SLIT3: variants seen among roughly 807,000 people sequenced by gnomAD.
SLIT3 encodes slit guidance ligand 3, also known as slit homolog 3 protein.
Under a neutral mutation model 184.0 loss-of-function variants are expected in SLIT3, and 68 were observed. That is an observed-to-expected ratio of 0.37 (90% confidence interval 0.30 to 0.45). SLIT3 has a LOEUF of 0.45. SLIT3 is among the 20% of genes least tolerant of loss of function. The probability of loss-of-function intolerance (pLI) is 1.00; values close to 1 mark genes in which losing one functional copy is unlikely to be tolerated. For missense variants in SLIT3, 1,707 were observed against 2,026.0 expected (o/e 0.84, Z 3.02); for synonymous variants, 831 against 828.6 (o/e 1.00, Z -0.05).
intron 4 of SLIT3, among the ~76,000 whole-genome samples, chr5:168,926,723 TTGGATAGACTTTTCTAC>T (rs1204637300): frequency 2.0e-4 from 11 of 56,002 alleles, no homozygotes; most frequent in African/African-American, 8.4e-4. Context: ...CGAAGAAGAC[TTGGATAGACTTTTCTAC>T]GAAGAAGACA....
intron 3 of SLIT3, among the ~76,000 whole-genome samples, chr5:169,211,125 C>T (rs1268828621): frequency 1.3e-5 from 2 of 152,170 alleles, no homozygotes; most frequent in African/African-American, 4.8e-5. Flanking sequence ...AATCCAAACC[C>T]AACTGAGCCC....
At chr5:168,700,732 C>T (rs1040087868) in intron 26 of SLIT3, 53 bp from the exon 27 acceptor site, 10 of 1,388,002 alleles carry the variant, frequency 7.2e-6, no homozygotes, top group Middle Eastern at 2.0e-4. Flanking sequence ...CTGGGGCTGC[C>T]ATGGCCCAGG....
intron 4 of SLIT3, among the ~76,000 whole-genome samples, chr5:168,897,678 A>AC (rs55657719): frequency 2.5e-5 from 3 of 120,206 alleles, no homozygotes; most frequent in East Asian, 2.1e-4. Context: ...ACACACACAC[A>AC]AAGGGACATA....
chr5:168,987,256 A>G (rs936444260), intron 4 of SLIT3, among the ~76,000 whole-genome samples: 2 of 151,894 alleles, frequency 1.3e-5, no homozygotes, highest in Non-Finnish European at 2.9e-5. Context: ...TGTCAGAGTC[A>G]CTCCCTGCTT....
intron 4 of SLIT3, among the ~76,000 whole-genome samples, chr5:168,942,933 G>A (rs1346804366): frequency 6.6e-6 from 1 of 152,230 alleles, no homozygotes; most frequent in Admixed American, 6.5e-5. Flanking sequence ...CCTGCAGTGG[G>A]CTAGGGGGAG....
chr5:169,118,360 G>C lies in SLIT3; in HGVS notation c.413+75119C>G, dbSNP rs144780179. Among the ~76,000 whole-genome samples, 181 of 152,302 alleles carry C rather than the reference G, an allele frequency of 1.2e-3. 3 individuals are homozygous for C. The East Asian group carries it at 0.029, about 25-fold the overall frequency. ...GGGGGTGGAGCTAAGACCATGCATT[G>C]GTTGGTCATCTTCTTGAACTGGTCT... On this transcript the variant is annotated intron_variant, in intron 4 of 35. Transcript: ENST00000519560.
intron 5 of SLIT3, among the ~76,000 whole-genome samples, chr5:168,865,780 G>T (rs1759277250): frequency 1.3e-5 from 2 of 152,076 alleles, no homozygotes; most frequent in African/African-American, 2.4e-5. Flanking sequence ...TTTGGTTTAT[G>T]TCCTTCAGGC....
rs1036217529 is a variant in SLIT3, at chr5:169,014,779, T to A, written c.414-131443A>T. ...CAGCCTGACCAATATGGTGAAACCC[T>A]GTCTCTACTAAAAATACAAAAATTA... On this transcript the variant is annotated intron_variant, in intron 4 of 35. Coordinates refer to ENST00000519560, the MANE Select transcript of SLIT3 (RefSeq NM_003062.4). Among the ~76,000 whole-genome samples, 3 of 152,118 alleles carry A rather than the reference T, an allele frequency of 2.0e-5. No homozygotes were observed. The South Asian group carries it at 6.2e-4, about 32-fold the overall frequency.
intron 27 of SLIT3, 138 bp downstream of exon 27, chr5:168,700,444 T>C: frequency 1.5e-6 from 1 of 663,844 alleles, no homozygotes; most frequent in African/African-American, 1.8e-5. Flanking sequence ...CTGCCATGAT[T>C]GTGAGGCTTC....
intron 1 of SLIT3, among the ~76,000 whole-genome samples, chr5:169,278,771 C>T (rs979795456): frequency 6.6e-6 from 1 of 152,108 alleles, no homozygotes; most frequent in Non-Finnish European, 1.5e-5. Context: ...GCTACCCATC[C>T]CTCAAAGCTC....
At chr5:168,721,328 G>A (rs1329573991) in intron 23 of SLIT3, among the ~76,000 whole-genome samples, 1 of 152,160 alleles carries the variant, frequency 6.6e-6, no homozygotes, top group African/African-American at 2.4e-5. Flanking sequence ...GTGCCTTCCT[G>A]CCCTAGCAAG....
chr5:169,232,421 C>T (rs751000352), intron 3 of SLIT3, among the ~76,000 whole-genome samples: 7 of 152,210 alleles, frequency 4.6e-5, no homozygotes, highest in Non-Finnish European at 8.8e-5. Flanking sequence ...GATGGGGTTT[C>T]GCCATGTTGG....
intron 4 of SLIT3, chr5:169,119,805 G>C (rs1267938048): frequency 6.6e-6 from 1 of 152,164 alleles, no homozygotes; most frequent in African/African-American, 2.4e-5. Flanking sequence ...TTATTTCCTT[G>C]TTCTTCTGAC....
chr5:169,163,412 G>C (rs530166202), intron 4 of SLIT3, among the ~76,000 whole-genome samples: 9 of 152,280 alleles, frequency 5.9e-5, no homozygotes, highest in African/African-American at 2.2e-4. Flanking sequence ...ATGAAGCCCA[G>C]GTTGAACTGG....
intron 4 of SLIT3, among the ~76,000 whole-genome samples, chr5:169,166,321 T>A (rs575282574): frequency 6.6e-6 from 1 of 152,204 alleles, no homozygotes; most frequent in East Asian, 1.9e-4. Context: ...TCTCTCAACG[T>A]GTTCATGCTC....
At chr5:169,232,359 G>A (rs866465325) in intron 3 of SLIT3, among the ~76,000 whole-genome samples, 3 of 151,962 alleles carry the variant, frequency 2.0e-5, no homozygotes, top group Admixed American at 6.6e-5. Flanking sequence ...CAAGTAGCTG[G>A]GATTACAGGC....
At position 168,844,638 on chromosome 5, in the gene SLIT3, T is replaced by C; in HGVS notation, c.503A>G (p.His168Arg). 6.2e-7 allele frequency: 1 copy of C among 1,614,140 alleles called. No individual in the cohort carries two copies. The highest frequency in any genetic ancestry group is 8.5e-7 in the Non-Finnish European group (1 of 1,180,014). The change falls in exon 6 of 36, where the codon CAC becomes CGC. Residue 168 changes from histidine to arginine, a missense_variant. By Grantham distance (29) the His-to-Arg change is conservative. Around this residue, in one of 3 missense-constraint regions of SLIT3, gnomAD observed 1,307 missense variants for 1,511.6 expected, o/e 0.86. Transcript: ENST00000519560. ...DVKNLQLDNNHISCIEDGAFR... is the reference protein window; with the variant it reads ...DVKNLQLDNNRISCIEDGAFR... ...GGCTCCATCTTCAATGCAGCTGATG[T>C]GGTTGTTGTCCAGTTGCCTGTGGAA...
At chr5:168,846,495 T>G (rs182343137) in intron 5 of SLIT3, among the ~76,000 whole-genome samples, 1 of 152,250 alleles carries the variant, frequency 6.6e-6, no homozygotes, top group Non-Finnish European at 1.5e-5. Flanking sequence ...GCTTCTAGAT[T>G]TATCATCAGC....
chr5:169,146,076 T>G (rs1489738470), intron 4 of SLIT3, among the ~76,000 whole-genome samples: 1 of 152,148 alleles, frequency 6.6e-6, no homozygotes, highest in African/African-American at 2.4e-5. Flanking sequence ...TAACACATAC[T>G]GAGATCCTAT....
Sources: gnomAD v4.1 joint callset for allele counts (sites outside exome capture counted in the v4.1 genomes callset) on GRCh38, gnomAD v4.1.1 for gene constraint, gnomAD v4.1.1 regional missense constraint, MANE v1.5 for transcripts, NCBI Gene and HGNC (gene_info 2026-07-23, HGNC 2026-07-21) for gene names.